Variants in KCNK6 observed in about 807,000 individuals in gnomAD.
KCNK6 encodes potassium two pore domain channel subfamily K member 6, also known as potassium channel subfamily K member 6.
A neutral mutation model predicts 21.9 loss-of-function variants in KCNK6; 20 were observed. The observed-to-expected ratio is 0.91, with a 90% confidence interval of 0.64 to 1.32. KCNK6 has a LOEUF of 1.32. Ranked by LOEUF, KCNK6 falls within the 40% of genes most tolerant of loss-of-function variation. The probability of loss-of-function intolerance (pLI) is 0.00; values close to 1 mark genes in which losing one functional copy is unlikely to be tolerated. For synonymous variants in KCNK6, 210 were observed against 218.0 expected, an observed-to-expected ratio of 0.96 and a Z score of 0.32; for missense variants, 415 against 433.1, an observed-to-expected ratio of 0.96 and a Z score of 0.37.
chr19:38,320,075 C>G lies in KCNK6; in HGVS notation c.125C>G (p.Thr42Arg). The change falls in exon 1 of 3, where the codon ACG becomes AGG. Residue 42 changes from threonine (T) to arginine (R), a missense_variant. Physicochemically the swap from Thr to Arg is moderately conservative, Grantham distance 71. Coordinates refer to ENST00000263372, the MANE Select transcript of KCNK6 (RefSeq NM_004823.3). Reference sequence around the variant, plus strand: ...GCCAGGCTCCGAGCCGAGCTGGAGACGCTGCGGGCGCAGCTGCTTCAGCGC... The same window carrying G: ...GCCAGGCTCCGAGCCGAGCTGGAGAGGCTGCGGGCGCAGCTGCTTCAGCGC... ...HEARLRAELE[T>R]LRAQLLQRSP... 2 of 1,528,678 alleles carry G rather than the reference C, an allele frequency of 1.3e-6. No homozygotes were observed. The highest frequency in any genetic ancestry group is 1.2e-5 in the South Asian group (1 of 84,136). The allele number at this position is 1,528,678 out of a possible 1,614,324, so 94.7% of individuals were successfully genotyped here. A position where few individuals can be genotyped will look rare whatever the true frequency, so the allele number is the denominator to read the frequency against.
Position 38,326,732 on chromosome 19 carries a change from G to T in KCNK6, c.462G>T (p.Leu154=). The T allele has an allele frequency of 6.2e-7, 1 of 1,604,638 alleles. No homozygotes were observed. ...CACTGCTGCTGACTCACGTGCCCCT[G>T]TCTTGGCTGAGCATGCGTTGGGGCT... The part of the protein sequence containing the change: ...RLSLLLTHVP[L]SWLSMRWGWD... Residue 154 remains leucine (L), a synonymous_variant, in exon 2 of 3, where the codon CTG becomes CTT. Coordinates refer to ENST00000263372, the MANE Select transcript of KCNK6 (RefSeq NM_004823.3).
Position 38,320,083 on chromosome 19 carries a change from G to A in KCNK6, c.133G>A (p.Ala45Thr). 1 of 1,535,766 alleles carries A rather than the reference G, an allele frequency of 6.5e-7. No individual in the cohort carries two copies. The highest frequency in any genetic ancestry group is 1.2e-5 in the South Asian group (1 of 84,958). Residue 45 changes from alanine to threonine, a missense_variant, in exon 1 of 3, where the codon GCG becomes ACG. Transcript: ENST00000263372. ...CCGAGCCGAGCTGGAGACGCTGCGG[G>A]CGCAGCTGCTTCAGCGCAGCCCGTG... ...RLRAELETLRAQLLQRSPCVA... is the reference protein window; with the variant it reads ...RLRAELETLRTQLLQRSPCVA...
chr19:38,327,597 C>A lies in KCNK6; in HGVS notation c.*194C>A. 1.7e-6 allele frequency: 1 copy of A among 602,916 alleles called. No individual in the cohort carries two copies. The highest frequency in any genetic ancestry group is 2.9e-6 in the Non-Finnish European group (1 of 339,444). The allele number at this position is 602,916 out of a possible 1,614,324, so 37.3% of individuals were successfully genotyped here. A position where few individuals can be genotyped will look rare whatever the true frequency, so the allele number is the denominator to read the frequency against. The stretch of plus-strand genomic sequence containing the variant: ...GCACTCCCTGTCCCCATGTCCCGGG[C>A]TCCACTGGGCACCAACATAACCTTG... On this transcript the variant is annotated 3_prime_UTR_variant, in exon 3 of 3. Transcript: ENST00000263372.
chr19:38,325,058 T>C lies in KCNK6; in HGVS notation c.323-1535T>C, dbSNP rs530328430. On this transcript the variant is annotated intron_variant, in intron 1 of 2. Coordinates refer to ENST00000263372, the MANE Select transcript of KCNK6 (RefSeq NM_004823.3). Reference sequence around the variant, plus strand: ...TTTTTAATAGATACGAGGCTGGCCATGCCATGTGGGAGATGGAGTTATTGC... The same window carrying C: ...TTTTTAATAGATACGAGGCTGGCCACGCCATGTGGGAGATGGAGTTATTGC... 29 of 152,068 alleles carry C rather than the reference T, an allele frequency of 1.9e-4. 1 individual carries two copies. Among genetic ancestry groups the C allele is most frequent in the African/African-American group, 7.0e-4 (29 of 41,484 alleles). 9.4% of individuals were successfully genotyped at this position (152,068 alleles called of 1,614,324 possible). A position where few individuals can be genotyped will look rare whatever the true frequency, so the allele number is the denominator to read the frequency against.
chr19:38,326,756 C>T lies in KCNK6; in HGVS notation c.486C>T (p.Gly162=), dbSNP rs569817271. Residue 162 remains glycine (G), a synonymous_variant, in exon 2 of 3, where the codon GGC becomes GGT. Coordinates refer to ENST00000263372, the MANE Select transcript of KCNK6 (RefSeq NM_004823.3). ...TGTCTTGGCTGAGCATGCGTTGGGG[C>T]TGGGACCCCCGGCGGGCGGCCTGCT... is the stretch of plus-strand genomic sequence containing the variant. The part of the protein sequence containing the change: ...VPLSWLSMRW[G]WDPRRAACWH... 9 of 1,604,474 alleles carry T rather than the reference C, an allele frequency of 5.6e-6. No homozygotes were observed. The highest frequency in any genetic ancestry group is 3.3e-5 in the South Asian group (3 of 91,080).
chr19:38,323,626 G>A (rs762920049), intron 1 of KCNK6, among the ~76,000 whole-genome samples: 1 of 152,136 alleles, frequency 6.6e-6, no homozygotes, highest in Non-Finnish European at 1.5e-5. Flanking sequence ...TTTCAGACAG[G>A]GTCTTGCTCT....
chr19:38,322,677 T>C (rs1969664285), intron 1 of KCNK6, among the ~76,000 whole-genome samples: 1 of 151,258 alleles, frequency 6.6e-6, no homozygotes, highest in Non-Finnish European at 1.5e-5. Flanking sequence ...CAACCGAGCA[T>C]TGTGGCAGGC....
rs1969764671 is a variant in KCNK6 at position 38,331,081 on chromosome 19, C to G, written c.*3678C>G. The G allele has an allele frequency of 6.6e-6, 1 of 152,274 alleles. No individual in the cohort carries two copies. Among genetic ancestry groups the G allele is most frequent in the South Asian group, 2.1e-4 (1 of 4,834 alleles). 9.4% of individuals were successfully genotyped at this position (152,274 alleles called of 1,614,324 possible). ...GCGGCTCATGCCTGTAATCCCAACA[C>G]TTGGGGAGGCTGAGGCAGGAGGATC... On this transcript the variant is annotated 3_prime_UTR_variant, in exon 3 of 3. Coordinates refer to ENST00000263372, the MANE Select transcript of KCNK6 (RefSeq NM_004823.3).
rs151147940 is a variant in KCNK6, at chr19:38,327,317, C to T, written c.856C>T (p.Arg286Trp). Residue 286 changes from arginine (R) to tryptophan (W), a missense_variant, in exon 3 of 3, where the codon CGG becomes TGG. By Grantham distance (101) the Arg-to-Trp change is moderately radical. Coordinates refer to ENST00000263372, the MANE Select transcript of KCNK6 (RefSeq NM_004823.3). ...PASFNADEDD[R>W]VDILGPQPES... is the part of the protein sequence containing the mutation. ...CAGTTTCAATGCGGATGAGGACGATCGGGTGGACATCCTGGGCCCCCAGCC... is the reference window on the plus strand; with the variant it reads ...CAGTTTCAATGCGGATGAGGACGATTGGGTGGACATCCTGGGCCCCCAGCC... 12 of 1,613,340 alleles carry T rather than the reference C, an allele frequency of 7.4e-6. No individual in the cohort carries two copies. The highest frequency in any genetic ancestry group is 5.5e-5 in the South Asian group (5 of 91,092).
chr19:38,327,158 C>A lies in KCNK6; in HGVS notation c.719-22C>A, dbSNP rs778972085. On this transcript the variant is annotated intron_variant, in intron 2 of 2. Coordinates refer to ENST00000263372, the MANE Select transcript of KCNK6 (RefSeq NM_004823.3). ...AAAATCTGAGCCCCAGGATGACCAACGCCCCTTCTCCGCCTTTACAGTCTA... is the reference window on the plus strand; with the variant it reads ...AAAATCTGAGCCCCAGGATGACCAAAGCCCCTTCTCCGCCTTTACAGTCTA... The A allele has an allele frequency of 1.9e-6, 3 of 1,606,972 alleles. No individual in the cohort carries two copies. The East Asian group carries it at 6.7e-5, about 36-fold the overall frequency.
chr19:38,326,951 C>T lies in KCNK6; in HGVS notation c.681C>T (p.Gly227=). 1 of 1,606,684 alleles carries T rather than the reference C, an allele frequency of 6.2e-7. No homozygotes were observed. The highest frequency in any genetic ancestry group is 1.1e-5 in the South Asian group (1 of 91,052). The change falls in exon 2 of 3, where the codon GGC becomes GGT. Residue 227 remains glycine, a synonymous_variant. Coordinates refer to ENST00000263372, the MANE Select transcript of KCNK6 (RefSeq NM_004823.3). ...LGDYVPGEAP[G]QPYRALYKVL... ...ACTACGTGCCCGGGGAGGCCCCTGG[C>T]CAGCCCTACCGGGCCCTCTACAAGG...
chr19:38,324,959 G>A (rs1260272143), intron 1 of KCNK6: 1 of 151,194 alleles, frequency 6.6e-6, no homozygotes, highest in Non-Finnish European at 1.5e-5. Context: ...TACCATCTTA[G>A]TCATTTTTAA....
At chr19:38,324,100 TA>T (rs1157899313) in intron 1 of KCNK6, among the ~76,000 whole-genome samples, 13 of 152,042 alleles carry the variant, frequency 8.6e-5, no homozygotes, top group Non-Finnish European at 2.9e-5. Context: ...TTATTATTAT[TA>T]TTTTTTTTTA....
At position 38,328,333 on chromosome 19, in the gene KCNK6, C is replaced by T. The variant is rs1969734541; in HGVS notation, c.*930C>T. ...TGGCAGGCAGGAAACAGACATAGGACCCCAGCCCAGATCTGAATGGCATGG... is the reference window on the plus strand; with the variant it reads ...TGGCAGGCAGGAAACAGACATAGGATCCCAGCCCAGATCTGAATGGCATGG... On this transcript the variant is annotated 3_prime_UTR_variant, in exon 3 of 3. Coordinates refer to ENST00000263372, the MANE Select transcript of KCNK6 (RefSeq NM_004823.3). 1 of 152,366 alleles carries T rather than the reference C, an allele frequency of 6.6e-6. No individual in the cohort carries two copies. Among genetic ancestry groups the T allele is most frequent in the Non-Finnish European group, 1.5e-5 (1 of 68,208 alleles). The allele number at this position is 152,366 out of a possible 1,614,324, so 9.4% of individuals were successfully genotyped here.
Position 38,331,485 on chromosome 19 carries a change from T to C in KCNK6, c.*4082T>C, listed in dbSNP as rs1014100541. ...TAAAAATACAAAAAAATTAGCTGGG[T>C]GCGGTGGCACGCACCTGTGATCCCA... On this transcript the variant is annotated 3_prime_UTR_variant, in exon 3 of 3. Transcript: ENST00000263372. 7.3e-5 allele frequency: 11 copies of C among 151,628 alleles called. No homozygotes were observed. Among genetic ancestry groups the C allele is most frequent in the African/African-American group, 2.4e-4 (10 of 41,210 alleles). 9.4% of individuals were successfully genotyped at this position (151,628 alleles called of 1,614,324 possible). A position where few individuals can be genotyped will look rare whatever the true frequency, so the allele number is the denominator to read the frequency against.
At position 38,330,648 on chromosome 19, in the gene KCNK6, A is replaced by AAAAAAAAAAAAAAG. The variant is rs1568367217; in HGVS notation, c.*3249_*3250insAAAAAAAAAGAAAA. 4 of 141,552 alleles carry AAAAAAAAAAAAAAG rather than the reference A, an allele frequency of 2.8e-5. No individual in the cohort carries two copies. The highest frequency in any genetic ancestry group is 7.3e-5 in the Admixed American group (1 of 13,706). 8.8% of individuals were successfully genotyped at this position (141,552 alleles called of 1,614,324 possible). On this transcript the variant is annotated 3_prime_UTR_variant, in exon 3 of 3. Transcript: ENST00000263372. ...TGTCTCAAAAAAAAAAAAAGAAAAGAAAAAGAAAAAGAAAAAGAAAATATG... is the reference window on the plus strand; with the variant it reads ...TGTCTCAAAAAAAAAAAAAGAAAAGAAAAAAAAAAAAAAGAAAAGAAAAAGAAAAAGAAAATATG...
At position 38,320,080 on chromosome 19, in the gene KCNK6, C is replaced by A. The variant is rs1969630255; in HGVS notation, c.130C>A (p.Arg44=). 3 of 1,532,036 alleles carry A rather than the reference C, an allele frequency of 2.0e-6. No individual in the cohort carries two copies. The highest frequency in any genetic ancestry group is 2.6e-6 in the Non-Finnish European group (3 of 1,146,616). The allele number at this position is 1,532,036 out of a possible 1,614,324, so 94.9% of individuals were successfully genotyped here. A position where few individuals can be genotyped will look rare whatever the true frequency, so the allele number is the denominator to read the frequency against. The change falls in exon 1 of 3, where the codon CGG becomes AGG. Residue 44 remains arginine (R), a synonymous_variant. Transcript: ENST00000263372. ...GCTCCGAGCCGAGCTGGAGACGCTG[C>A]GGGCGCAGCTGCTTCAGCGCAGCCC... ...ARLRAELETL[R]AQLLQRSPCV...
intron 1 of KCNK6, among the ~76,000 whole-genome samples, chr19:38,323,125 C>T (rs921501395): frequency 4.6e-5 from 7 of 151,972 alleles, no homozygotes; most frequent in Admixed American, 6.6e-5. Flanking sequence ...AACAAACAAA[C>T]AAAAAAGAGT....
At chr19:38,320,981 G>A (rs1429778084) in intron 1 of KCNK6, among the ~76,000 whole-genome samples, 1 of 152,080 alleles carries the variant, frequency 6.6e-6, no homozygotes, top group East Asian at 1.9e-4. Context: ...GGAGATCCTT[G>A]CCCCCTCTGG....
Sources: gnomAD v4.1 joint callset for allele counts (sites outside exome capture counted in the v4.1 genomes callset) on GRCh38, gnomAD v4.1.1 for gene constraint, MANE v1.5 for transcripts, NCBI Gene and HGNC (gene_info 2026-07-23, HGNC 2026-07-21) for gene names.